Variants in CREB3L2 observed in about 807,000 individuals in gnomAD.
CREB3L2 encodes cAMP responsive element binding protein 3 like 2.
CREB3L2 carries 23 observed loss-of-function variants against 57.2 expected under a neutral mutation model. The ratio of observed to expected loss-of-function variants is 0.40; its 90% CI spans 0.29 to 0.57. The LOEUF (loss-of-function observed/expected upper bound fraction) is 0.57, where lower values mean the gene tolerates loss of function less well. Ranked by LOEUF, CREB3L2 falls within the 20% of genes least tolerant of loss-of-function variation. The pLI, the probability that CREB3L2 is intolerant of heterozygous loss-of-function variation, is 0.42. For synonymous variants in CREB3L2, 268 were observed against 265.1 expected, an observed-to-expected ratio of 1.01 and a Z score of -0.11; for missense variants, 628 against 634.7, an observed-to-expected ratio of 0.99 and a Z score of 0.11.
At chr7:137,902,822 G>C (rs968088435) in intron 7 of CREB3L2, among the ~76,000 whole-genome samples, 3 of 151,068 alleles carry the variant, frequency 2.0e-5, no homozygotes, top group Non-Finnish European at 2.9e-5. Flanking sequence ...TTTGGTTTTG[G>C]CTTTGGTTTT....
intron 2 of CREB3L2, among the ~76,000 whole-genome samples, chr7:137,921,207 T>C (rs954446436): frequency 7.9e-5 from 12 of 152,224 alleles, no homozygotes. Flanking sequence ...ATAAGTCTTT[T>C]AAATGTCATT....
At chr7:137,953,808 G>C (rs1585654663) in intron 1 of CREB3L2, among the ~76,000 whole-genome samples, 1 of 152,292 alleles carries the variant, frequency 6.6e-6, no homozygotes, top group East Asian at 1.9e-4. Context: ...AGATAACCAA[G>C]AGAAAAAGGG....
intron 1 of CREB3L2, among the ~76,000 whole-genome samples, chr7:137,946,426 G>GAA (rs34011740): frequency 2.7e-4 from 28 of 102,476 alleles, no homozygotes; most frequent in African/African-American, 5.7e-4. Context: ...TACAAATGCA[G>GAA]AAAAAAAAAA....
chr7:137,935,602 G>C (rs746124809), intron 1 of CREB3L2, among the ~76,000 whole-genome samples: 4 of 151,974 alleles, frequency 2.6e-5, no homozygotes, highest in Non-Finnish European at 4.4e-5. Context: ...GATGTAAACC[G>C]TTTACCCACC....
At chr7:137,958,939 T>A (rs914346465) in intron 1 of CREB3L2, among the ~76,000 whole-genome samples, 1 of 152,226 alleles carries the variant, frequency 6.6e-6, no homozygotes, top group Non-Finnish European at 1.5e-5. Context: ...ATGTAAAAAC[T>A]TAAGTAATTC....
intron 1 of CREB3L2, among the ~76,000 whole-genome samples, chr7:137,997,699 G>C (rs1802009869): frequency 6.6e-6 from 1 of 151,746 alleles, no homozygotes; most frequent in Admixed American, 6.6e-5. Context: ...CTGCACTCTA[G>C]TCTGGGTGTC....
In CREB3L2 at chr7:137,878,298, A is replaced by G. The variant is rs761084361; in HGVS notation, c.*2178T>C. On this transcript the variant is annotated 3_prime_UTR_variant, in exon 12 of 12. Transcript: ENST00000330387. The stretch of plus-strand genomic sequence containing the variant: ...AGTCTGGTTCAGTTGCAGCAGGTAC[A>G]TGGGTTGGCTCATTCTCTCACTTCT... The G allele has an allele frequency of 7.7e-5, 18 of 232,838 alleles. No individual in the cohort carries two copies. Among genetic ancestry groups the G allele is most frequent in the Non-Finnish European group, 1.4e-4 (16 of 117,862 alleles). 14.4% of individuals were successfully genotyped at this position (232,838 alleles called of 1,614,324 possible).
chr7:137,879,127 G>C lies in CREB3L2; in HGVS notation c.*1349C>G. 2.0e-6 allele frequency: 1 copy of C among 502,850 alleles called. No homozygotes were observed. Among genetic ancestry groups the C allele is most frequent in the Non-Finnish European group, 3.8e-6 (1 of 266,420 alleles). 31.1% of individuals were successfully genotyped at this position (502,850 alleles called of 1,614,324 possible). On this transcript the variant is annotated 3_prime_UTR_variant, in exon 12 of 12. Coordinates refer to ENST00000330387, the MANE Select transcript of CREB3L2 (RefSeq NM_194071.4). ...ATTTCCACTTCTTATTTATATGAAA[G>C]AGGAAAGATTTTTTTAAACTACAAA... is the stretch of plus-strand genomic sequence containing the variant.
At chr7:137,909,465 T>A (rs1438582728) in intron 4 of CREB3L2, among the ~76,000 whole-genome samples, 1 of 152,146 alleles carries the variant, frequency 6.6e-6, no homozygotes, top group Non-Finnish European at 1.5e-5. Context: ...CAGTGCACAT[T>A]TCTGTTGTAC....
chr7:137,969,500 T>C (rs1053508863), intron 1 of CREB3L2, among the ~76,000 whole-genome samples: 1 of 151,568 alleles, frequency 6.6e-6, no homozygotes, highest in Non-Finnish European at 1.5e-5. Context: ...GCGCCCGCCA[T>C]CACACCCGGC....
At chr7:137,903,076 G>A (rs577561633) in intron 7 of CREB3L2, among the ~76,000 whole-genome samples, 86 of 152,150 alleles carry the variant, frequency 5.7e-4, no homozygotes, top group Non-Finnish European at 1.0e-3. Flanking sequence ...GCCTCCCAAA[G>A]CACGGGGATT....
intron 1 of CREB3L2, among the ~76,000 whole-genome samples, chr7:137,983,872 G>A (rs902618675): frequency 3.3e-5 from 5 of 152,122 alleles, no homozygotes; most frequent in East Asian, 1.9e-4. Flanking sequence ...ATTGTTGGCC[G>A]GCTGCTTTTC....
intron 7 of CREB3L2, among the ~76,000 whole-genome samples, chr7:137,903,259 G>T (rs1409893907): frequency 1.3e-5 from 2 of 152,292 alleles, no homozygotes; most frequent in East Asian, 3.9e-4. Context: ...TTCAATAGTA[G>T]CTTTGAGAAA....
intron 1 of CREB3L2, among the ~76,000 whole-genome samples, chr7:137,945,701 T>A (rs995507894): frequency 4.6e-5 from 7 of 152,174 alleles, no homozygotes; most frequent in African/African-American, 1.2e-4. Flanking sequence ...TAAGAAGAAC[T>A]GGGCCTTTCA....
chr7:137,952,482 G>C (rs573111895), intron 1 of CREB3L2, among the ~76,000 whole-genome samples: 16 of 152,154 alleles, frequency 1.1e-4, no homozygotes, highest in Non-Finnish European at 1.8e-4. Context: ...GGTAGCCACA[G>C]GTCCCATTTT....
intron 1 of CREB3L2, among the ~76,000 whole-genome samples, chr7:137,928,901 C>T (rs1800543744): frequency 1.3e-5 from 2 of 152,326 alleles, no homozygotes; most frequent in South Asian, 4.1e-4. Context: ...AGTCACAATG[C>T]AGACGAGTGT....
intron 2 of CREB3L2, among the ~76,000 whole-genome samples, chr7:137,927,296 G>C (rs1800490300): frequency 6.9e-6 from 1 of 145,610 alleles, no homozygotes; most frequent in East Asian, 2.0e-4. Flanking sequence ...AAGGAAGGAA[G>C]GGTGGGAGGG....
At chr7:137,934,378 T>C (rs183049480) in intron 1 of CREB3L2, among the ~76,000 whole-genome samples, 1 of 152,340 alleles carries the variant, frequency 6.6e-6, no homozygotes, top group East Asian at 1.9e-4. Flanking sequence ...TTGTCAGGAT[T>C]AGGTGCTAGA....
intron 2 of CREB3L2, 26 bp from the exon 3 acceptor site, chr7:137,916,038 T>A (rs774259368): frequency 1.9e-6 from 3 of 1,598,786 alleles, no homozygotes; most frequent in Non-Finnish European, 2.6e-6. Flanking sequence ...CAAGCACACA[T>A]GTGAACTTGT....
Sources: allele counts gnomAD v4.1 joint callset (sites outside exome capture counted in the v4.1 genomes callset), GRCh38; gene constraint gnomAD v4.1.1; transcripts MANE v1.5; gene names NCBI Gene and HGNC (gene_info 2026-07-23, HGNC 2026-07-21).